Variants in BMS1 observed in about 807,000 individuals in gnomAD.
BMS1 encodes the protein ribosome biogenesis protein BMS1 homolog.
A neutral mutation model predicts 138.7 loss-of-function variants in BMS1; 53 were observed. That is an observed-to-expected ratio of 0.38 (90% CI 0.31 to 0.48). The LOEUF is 0.48. Among genes scored for constraint, BMS1 ranks in the 20% least tolerant of loss-of-function variants. The pLI is 0.97. For synonymous variants in BMS1, 504 were observed against 539.9 expected (o/e 0.93, Z 0.92); for missense variants, 1,360 against 1,565.5 (o/e 0.87, Z 2.22).
chr10:42,798,454 G>T lies in BMS1; in HGVS notation c.2090-14G>T. ...ATTTTTGTTCTCACTTTTCTGCCAT[G>T]GTGTGCTCTTTAGTGACAGAAGATA... is the stretch of plus-strand genomic sequence containing the variant. On this transcript the variant is annotated splice_polypyrimidine_tract_variant and intron_variant, in intron 11 of 22. Transcript: ENST00000374518. 6.2e-7 allele frequency: 1 copy of T among 1,614,054 alleles called. No individual in the cohort carries two copies. Among genetic ancestry groups the T allele is most frequent in the Non-Finnish European group, 8.5e-7 (1 of 1,179,990 alleles).
At chr10:42,789,897 G>T (rs974642067) in intron 4 of BMS1, among the ~76,000 whole-genome samples, 3 of 152,158 alleles carry the variant, frequency 2.0e-5, no homozygotes, top group African/African-American at 7.2e-5. Context: ...TAAGGGCCAG[G>T]TTAGACCCAG....
chr10:42,824,244 C>T (rs761969237), intron 21 of BMS1, among the ~76,000 whole-genome samples: 4 of 152,170 alleles, frequency 2.6e-5, no homozygotes, highest in East Asian at 1.9e-4. Flanking sequence ...ACTTGTTCAT[C>T]CTACATGTCT....
Position 42,820,915 on chromosome 10 carries a change from T to C in BMS1, c.2951-19T>C, listed in dbSNP as rs147218355. The C allele has an allele frequency of 2.9e-4, 463 of 1,602,850 alleles. 8 individuals are homozygous for C. The East Asian group carries it at 0.01, about 35-fold the overall frequency. On this transcript the variant is annotated intron_variant, in intron 17 of 22. Coordinates refer to ENST00000374518, the MANE Select transcript of BMS1 (RefSeq NM_014753.4). The stretch of plus-strand genomic sequence containing the variant: ...AAATTTGTGGTTCGCTATATTTCTT[T>C]TTTTCCTTTTCCTTTAAGGCCCTAT...
At chr10:42,814,940 G>A (rs1290775735) in intron 13 of BMS1, among the ~76,000 whole-genome samples, 1 of 152,124 alleles carries the variant, frequency 6.6e-6, no homozygotes, top group African/African-American at 2.4e-5. Flanking sequence ...GGAAACTCTG[G>A]GCCTGGTCAA....
intron 13 of BMS1, among the ~76,000 whole-genome samples, chr10:42,802,784 A>G (rs917976013): frequency 1.3e-5 from 2 of 150,632 alleles, no homozygotes; most frequent in Non-Finnish European, 3.0e-5. Context: ...AAATTAAAAA[A>G]TATTTTATTT....
At chr10:42,804,969 C>T (rs1841972784) in intron 13 of BMS1, among the ~76,000 whole-genome samples, 1 of 152,148 alleles carries the variant, frequency 6.6e-6, no homozygotes, top group Non-Finnish European at 1.5e-5. Context: ...CCATCCGCCT[C>T]AGCCTCCCAA....
At chr10:42,786,488 C>T (rs1274864821) in intron 3 of BMS1, among the ~76,000 whole-genome samples, 1 of 152,210 alleles carries the variant, frequency 6.6e-6, no homozygotes, top group Non-Finnish European at 1.5e-5. Flanking sequence ...GGTGTGATTA[C>T]GGCTCACTGC....
At chr10:42,797,991 A>G (rs1244768639) in intron 11 of BMS1, among the ~76,000 whole-genome samples, 3 of 152,180 alleles carry the variant, frequency 2.0e-5, no homozygotes, top group Non-Finnish European at 2.9e-5. Flanking sequence ...TGAACTTTAC[A>G]TTGTGCTCCC....
At chr10:42,801,108 T>C (rs935705150) in intron 12 of BMS1, among the ~76,000 whole-genome samples, 89 of 152,342 alleles carry the variant, frequency 5.8e-4, no homozygotes, top group Middle Eastern at 6.8e-3. Flanking sequence ...TGATTTCTTT[T>C]AGTAGGAAAT....
In BMS1 at chr10:42,820,428, G is replaced by T. The variant is rs2132378330; in HGVS notation, c.2769+4G>T. On this transcript the variant is annotated splice_donor_region_variant and intron_variant, in intron 16 of 22. Transcript: ENST00000374518. ...GGGAAATGTTGGCTACGTGCAGGTGGGTCCCTTTGCTACATATTTGGTGCC... is the reference window on the plus strand; with the variant it reads ...GGGAAATGTTGGCTACGTGCAGGTGTGTCCCTTTGCTACATATTTGGTGCC... The T allele has an allele frequency of 1.9e-6, 3 of 1,613,134 alleles. No individual in the cohort carries two copies. The highest frequency in any genetic ancestry group is 2.5e-6 in the Non-Finnish European group (3 of 1,179,682).
chr10:42,796,654 T>TG lies in BMS1; in HGVS notation c.1411dup (p.Ala471GlyfsTer2), dbSNP rs1303453739. The TG allele has an allele frequency of 1.2e-6, 2 of 1,613,972 alleles. No homozygotes were observed. Among genetic ancestry groups the TG allele is most frequent in the Admixed American group, 3.3e-5 (2 of 60,002 alleles). ...ATGAGGAAGCAGAAGAGGAGGAAAA[T>TG]GCTGAGATGACTGATCAGTATATGG... is the stretch of plus-strand genomic sequence containing the variant. On this transcript the variant is annotated frameshift_variant, in exon 10 of 23. Transcript: ENST00000374518. LOFTEE classifies it high-confidence loss of function.
chr10:42,828,385 G>A (rs571706692), intron 21 of BMS1, among the ~76,000 whole-genome samples: 2 of 152,206 alleles, frequency 1.3e-5, no homozygotes, highest in East Asian at 1.9e-4. Flanking sequence ...GTTATCCCAC[G>A]GCCCTTAACA....
In BMS1 at chr10:42,820,661, C is replaced by G. The variant is rs1473703463; in HGVS notation, c.2923C>G (p.His975Asp). The change falls in exon 17 of 23, where the codon CAC becomes GAC. Residue 975 changes from histidine to aspartate, a missense_variant. Around this residue, in one of 3 missense-constraint regions of BMS1, gnomAD observed 425 missense variants for 568.3 expected, o/e 0.75. Coordinates refer to ENST00000374518, the MANE Select transcript of BMS1 (RefSeq NM_014753.4). Reference sequence around the variant, plus strand: ...AAGGCTTCTAAAGTATACCCCACAGCACATGCATTGCGGAGCAGCCTTTTG... The same window carrying G: ...AAGGCTTCTAAAGTATACCCCACAGGACATGCATTGCGGAGCAGCCTTTTG... ...RQRLLKYTPQ[H>D]MHCGAAFWGP... is the part of the protein sequence containing the mutation. The G allele has an allele frequency of 6.2e-7, 1 of 1,611,986 alleles. No individual in the cohort carries two copies. Among genetic ancestry groups the G allele is most frequent in the South Asian group, 1.1e-5 (1 of 90,980 alleles).
At chr10:42,809,952 ATTTT>A (rs34656411) in intron 13 of BMS1, among the ~76,000 whole-genome samples, 3 of 114,014 alleles carry the variant, frequency 2.6e-5, no homozygotes. Context: ...TGTCTGGCTA[ATTTT>A]TTTTTTTTTT....
At position 42,803,488 on chromosome 10, in the gene BMS1, C is replaced by A. The variant is rs533338247; in HGVS notation, c.2329+1270C>A. 5.3e-5 allele frequency among the ~76,000 whole-genome samples: 8 copies of A among 151,790 alleles called. No homozygotes were observed. The South Asian group carries it at 8.3e-4, about 16-fold the overall frequency. On this transcript the variant is annotated intron_variant, in intron 13 of 22. Transcript: ENST00000374518. ...TATATATATAATTTTTTTTTCTGGGCCTTCTAGTTAATATCACTGATCTCT... is the reference window on the plus strand; with the variant it reads ...TATATATATAATTTTTTTTTCTGGGACTTCTAGTTAATATCACTGATCTCT...
chr10:42,798,345 C>T, intron 11 of BMS1, 123 bp from the exon 12 acceptor site: 1 of 1,223,120 alleles, frequency 8.2e-7, no homozygotes, highest in Non-Finnish European at 1.1e-6. Context: ...ATTGCCATAC[C>T]CACCACAGAC....
chr10:42,819,101 A>C (rs1003862062), intron 15 of BMS1, among the ~76,000 whole-genome samples: 1 of 152,232 alleles, frequency 6.6e-6, no homozygotes, highest in Non-Finnish European at 1.5e-5. Flanking sequence ...TTTGCTGCAG[A>C]GAGAAGCAGA....
intron 13 of BMS1, among the ~76,000 whole-genome samples, chr10:42,814,136 T>G (rs1842267076): frequency 1.3e-5 from 2 of 152,262 alleles, no homozygotes; most frequent in South Asian, 4.1e-4. Context: ...TGTAAGTTTA[T>G]ATCTTTCACT....
intron 13 of BMS1, among the ~76,000 whole-genome samples, chr10:42,811,526 C>T (rs12572769): frequency 0.38 from 39,609 of 103,708 alleles, 7,946 homozygotes; most frequent in East Asian, 0.61. Flanking sequence ...TTTTCTTTTT[C>T]TTTTTTTTTT....
Sources: allele counts gnomAD v4.1 joint callset (sites outside exome capture counted in the v4.1 genomes callset), GRCh38; gene constraint gnomAD v4.1.1; regional missense constraint gnomAD v4.1.1; transcripts MANE v1.5; gene names NCBI Gene and HGNC (gene_info 2026-07-23, HGNC 2026-07-21).